VPS4B: variants seen among roughly 807,000 people sequenced by gnomAD.
The protein encoded by VPS4B is vacuolar protein sorting-associated protein 4B.
VPS4B carries 23 observed loss-of-function variants against 56.1 expected under a neutral mutation model. That is an observed-to-expected ratio of 0.41 (90% CI 0.30 to 0.58). VPS4B has a LOEUF of 0.58. VPS4B is among the 20% of genes least tolerant of loss of function. VPS4B has a pLI of 0.29. For missense variants in VPS4B, 372 were observed against 531.9 expected (o/e 0.70, Z 2.96); for synonymous variants, 177 against 186.0 (o/e 0.95, Z 0.39).
At chr18:63,397,607 G>C (rs540855888) in intron 8 of VPS4B, among the ~76,000 whole-genome samples, 1 of 152,302 alleles carries the variant, frequency 6.6e-6, no homozygotes, top group South Asian at 2.1e-4. Context: ...AACAGGAGTA[G>C]AGATGACACA....
In VPS4B at chr18:63,403,829, G is replaced by A; in HGVS notation, c.365-3C>T. 2 of 1,591,746 alleles carry A rather than the reference G, an allele frequency of 1.3e-6. No homozygotes were observed. The highest frequency in any genetic ancestry group is 1.7e-6 in the Non-Finnish European group (2 of 1,171,494). Reference sequence around the variant, plus strand: ...TGGTCGTTCTATAACAATGGCACCTGCAAAAAATTACGTTATCTTTAAATT... The same window carrying A: ...TGGTCGTTCTATAACAATGGCACCTACAAAAAATTACGTTATCTTTAAATT... On this transcript the variant is annotated splice_polypyrimidine_tract_variant and splice_region_variant and intron_variant, in intron 4 of 10. Coordinates refer to ENST00000238497, the MANE Select transcript of VPS4B (RefSeq NM_004869.4).
chr18:63,411,539 T>C lies in VPS4B; in HGVS notation c.67A>G (p.Lys23Glu), dbSNP rs1468344635. Residue 23 changes from lysine to glutamate, a missense_variant, in exon 2 of 11, where the codon AAG (lysine) becomes GAG (glutamate). Around this residue, in one of 3 missense-constraint regions of VPS4B, gnomAD observed 153 missense variants for 190.3 expected, o/e 0.80. Transcript: ENST00000238497. Reference protein sequence around the residue: ...DLASKAAQEDKAGNYEEALQL... With the variant: ...DLASKAAQEDEAGNYEEALQL... ...AGGGCTTCTTCGTAGTTCCCAGCCT[T>C]GTCTTCTTGCGCTGCTTTGCTAGCC... 2 of 1,602,342 alleles carry C rather than the reference T, an allele frequency of 1.2e-6. No individual in the cohort carries two copies. The highest frequency in any genetic ancestry group is 1.7e-6 in the Non-Finnish European group (2 of 1,173,750).
At chr18:63,420,308 C>A (rs1378936699) in intron 1 of VPS4B, among the ~76,000 whole-genome samples, 1 of 152,004 alleles carries the variant, frequency 6.6e-6, no homozygotes, top group Non-Finnish European at 1.5e-5. Context: ...ATTAGCCAGG[C>A]GTGGTGGCAG....
chr18:63,409,902 G>C (rs1306604519), intron 3 of VPS4B, among the ~76,000 whole-genome samples: 1 of 152,174 alleles, frequency 6.6e-6, no homozygotes, highest in African/African-American at 2.4e-5. Context: ...GAGAGTAACT[G>C]AGTACTATTC....
rs1915873867 is a variant in VPS4B at position 63,404,414 on chromosome 18, A to G, written c.365-588T>C. The G allele has an allele frequency of 2.0e-5, 3 of 152,206 alleles. 1 individual carries two copies. The South Asian group carries it at 6.2e-4, about 31-fold the overall frequency. The allele number at this position is 152,206 out of a possible 1,614,324, so 9.4% of individuals were successfully genotyped here. A position where few individuals can be genotyped will look rare whatever the true frequency, so the allele number is the denominator to read the frequency against. On this transcript the variant is annotated intron_variant, in intron 4 of 10. Transcript: ENST00000238497. Reference sequence around the variant, plus strand: ...GGAAACCGAGAAAAGATACCCCTGCAGATTTGCAATACTTTCCTAAGATTT... The same window carrying G: ...GGAAACCGAGAAAAGATACCCCTGCGGATTTGCAATACTTTCCTAAGATTT...
intron 9 of VPS4B, among the ~76,000 whole-genome samples, chr18:63,396,119 T>G (rs1453660853): frequency 1.3e-5 from 2 of 152,238 alleles, no homozygotes; most frequent in African/African-American, 4.8e-5. Context: ...CAGATTCTAC[T>G]CAAAAATATT....
intron 1 of VPS4B, 89 bp from the exon 2 acceptor site, chr18:63,411,667 T>TC (rs1916049520): frequency 3.1e-6 from 3 of 972,342 alleles, no homozygotes; most frequent in Admixed American, 7.0e-5. Context: ...TTTTTTTTTT[T>TC]TTAAAGCTTC....
At position 63,389,920 on chromosome 18, in the gene VPS4B, C is replaced by CTAA. The variant is rs1555661387; in HGVS notation, c.*1052_*1054dup. On this transcript the variant is annotated 3_prime_UTR_variant, in exon 11 of 11. Coordinates refer to ENST00000238497, the MANE Select transcript of VPS4B (RefSeq NM_004869.4). ...CTACCACCTGTTTTGGTCAATCTTG[C>CTAA]TAAAAAAGACACTGAAATAGACAAT... 6.6e-6 allele frequency: 1 copy of CTAA among 152,530 alleles called. No homozygotes were observed. The highest frequency in any genetic ancestry group is 1.5e-5 in the Non-Finnish European group (1 of 68,004). 9.4% of individuals were successfully genotyped at this position (152,530 alleles called of 1,614,324 possible).
intron 9 of VPS4B, 44 bp downstream of exon 9, chr18:63,396,987 CAAA>C (rs35538536): frequency 1.2e-3 from 1,570 of 1,328,300 alleles, no homozygotes; most frequent in Middle Eastern, 1.7e-3. Flanking sequence ...GAGACTGTCT[CAAA>C]AAAAAAAAAA....
intron 1 of VPS4B, among the ~76,000 whole-genome samples, chr18:63,414,597 G>T (rs1175278957): frequency 6.6e-6 from 1 of 151,894 alleles, no homozygotes; most frequent in Non-Finnish European, 1.5e-5. Context: ...ACCATGCCTG[G>T]CTAATTTTTG....
chr18:63,402,025 A>G (rs934809629), intron 5 of VPS4B, among the ~76,000 whole-genome samples: 1 of 152,104 alleles, frequency 6.6e-6, no homozygotes, highest in Admixed American at 6.6e-5. Flanking sequence ...CAAAACAAAA[A>G]AAACTGCTAG....
chr18:63,404,667 CACTAT>C (rs1915880122), intron 4 of VPS4B: 1 of 152,104 alleles, frequency 6.6e-6, no homozygotes, highest in Non-Finnish European at 1.5e-5. Flanking sequence ...GAAACTGTTC[CACTAT>C]AAACTATGAA....
chr18:63,397,209 CG>C lies in VPS4B; in HGVS notation c.916del (p.Arg306GlufsTer9). On this transcript the variant is annotated frameshift_variant, in exon 9 of 11. Coordinates refer to ENST00000238497, the MANE Select transcript of VPS4B (RefSeq NM_004869.4). LOFTEE classifies it high-confidence loss of function. ...IYIPLPEPHARAAMFKLHLGT... is the reference protein window; with the variant it reads ...IYIPLPEPHAXAAMFKLHLGT... ...TAGGTGCAGTTTAAACATTGCTGCT[CG>C]GGCATGGGGTTCCGGCAAGGGAATA... 4.3e-6 allele frequency: 7 copies of C among 1,613,678 alleles called. No homozygotes were observed. Among genetic ancestry groups the C allele is most frequent in the Non-Finnish European group, 5.9e-6 (7 of 1,179,872 alleles).
chr18:63,421,756 A>C (rs1916306963), intron 1 of VPS4B, among the ~76,000 whole-genome samples: 1 of 152,126 alleles, frequency 6.6e-6, no homozygotes, highest in Admixed American at 6.5e-5. Context: ...GACTTCACGG[A>C]GATTGCATGC....
rs772968002 is a variant in VPS4B, at chr18:63,390,940, G to A, written c.*35C>T. On this transcript the variant is annotated 3_prime_UTR_variant, in exon 11 of 11. Coordinates refer to ENST00000238497, the MANE Select transcript of VPS4B (RefSeq NM_004869.4). ...TAGACAAAAATATCTATGAAAGAAA[G>A]AATACATATGGTAAGCATCTTCCTT... 1.8e-5 allele frequency: 25 copies of A among 1,402,062 alleles called. No homozygotes were observed. Among genetic ancestry groups the A allele is most frequent in the Non-Finnish European group, 2.4e-5 (24 of 996,544 alleles). 86.9% of individuals were successfully genotyped at this position (1,402,062 alleles called of 1,614,324 possible). A position where few individuals can be genotyped will look rare whatever the true frequency, so the allele number is the denominator to read the frequency against.
In VPS4B at chr18:63,410,380, G is replaced by C; in HGVS notation, c.206C>G (p.Ala69Gly). Residue 69 changes from alanine (A) to glycine (G), a missense_variant, in exon 3 of 11, where the codon GCA becomes GGA. Physicochemically the swap from Ala to Gly is moderately conservative, Grantham distance 60. Around this residue, in one of 3 missense-constraint regions of VPS4B, gnomAD observed 153 missense variants for 190.3 expected, o/e 0.80. Transcript: ENST00000238497. ...RAKCTEYLDRAEKLKEYLKNK... is the reference protein window; with the variant it reads ...RAKCTEYLDRGEKLKEYLKNK... ...TTTCAGGTACTCCTTTAGTTTTTCT[G>C]CTCTATCAAGATATTCTGTACACTT... The C allele has an allele frequency of 1.2e-6, 2 of 1,613,748 alleles. No homozygotes were observed. The highest frequency in any genetic ancestry group is 1.7e-6 in the Non-Finnish European group (2 of 1,180,006).
intron 1 of VPS4B, among the ~76,000 whole-genome samples, chr18:63,421,831 T>C (rs887122430): frequency 3.3e-5 from 5 of 152,192 alleles, no homozygotes; most frequent in Admixed American, 6.5e-5. Flanking sequence ...CAGCTCAGAA[T>C]GAAGGGGTCT....
intron 1 of VPS4B, among the ~76,000 whole-genome samples, chr18:63,418,266 A>G (rs1916213222): frequency 6.6e-6 from 1 of 151,694 alleles, no homozygotes; most frequent in African/African-American, 2.4e-5. Flanking sequence ...CTGATCTCCT[A>G]TTTCTCCCAC....
chr18:63,397,627 T>C (rs1915700179), intron 8 of VPS4B, among the ~76,000 whole-genome samples: 1 of 152,238 alleles, frequency 6.6e-6, no homozygotes, highest in African/African-American at 2.4e-5. Flanking sequence ...AGTAATTCTC[T>C]ACATTCAAAA....
Sources: allele counts gnomAD v4.1 joint callset (sites outside exome capture counted in the v4.1 genomes callset), GRCh38; gene constraint gnomAD v4.1.1; regional missense constraint gnomAD v4.1.1; transcripts MANE v1.5; gene names NCBI Gene and HGNC (gene_info 2026-07-23, HGNC 2026-07-21).